The following NTN4 variants were observed in gnomAD, a reference collection of about 807,000 sequenced individuals.
The protein encoded by NTN4 is netrin-4.
In NTN4, 32 loss-of-function variants were observed where a neutral mutation model predicts 73.6. The ratio of observed to expected loss-of-function variants is 0.44; its 90% confidence interval spans 0.33 to 0.58. The LOEUF is 0.58. Ranked by LOEUF, NTN4 falls within the 20% of genes least tolerant of loss-of-function variation. The probability of loss-of-function intolerance (pLI) is 0.04; values close to 1 mark genes in which losing one functional copy is unlikely to be tolerated. For missense variants in NTN4, 654 were observed against 798.3 expected (o/e 0.82, Z 2.18); for synonymous variants, 258 against 287.5 (o/e 0.90, Z 1.04).
At chr12:95,667,180 C>T (rs997044082) in intron 8 of NTN4, among the ~76,000 whole-genome samples, 16 of 149,708 alleles carry the variant, frequency 1.1e-4, no homozygotes, top group African/African-American at 3.2e-4. Context: ...CACTAGGGAA[C>T]GTAGGGAAGT....
intron 5 of NTN4, among the ~76,000 whole-genome samples, chr12:95,689,605 TA>T (rs1230051472): frequency 1.3e-5 from 2 of 152,216 alleles, no homozygotes; most frequent in Non-Finnish European, 2.9e-5. Flanking sequence ...TCTTCCTTGT[TA>T]AAGACAGAAC....
chr12:95,790,259 G>A lies in NTN4; in HGVS notation c.51C>T (p.Ala17=), dbSNP rs1438242960. The A allele has an allele frequency of 2.0e-6, 3 of 1,535,050 alleles. No homozygotes were observed. The highest frequency in any genetic ancestry group is 2.6e-6 in the Non-Finnish European group (3 of 1,140,796). Residue 17 remains alanine, a synonymous_variant, in exon 1 of 10, where the codon GCC becomes GCT. Coordinates refer to ENST00000343702, the MANE Select transcript of NTN4 (RefSeq NM_021229.4). This position sits in a 1 kb window ranked among gnomAD's most constrained non-coding sequence, Gnocchi z 6.5. The part of the protein sequence containing the change: ...LLLLWGCTVV[A]AGLSGVAGVS... ...CCCCGCCGCGTCACCACCCACCTGCGGCCACCACCGTGCAGCCCCAGAGCA... is the reference window on the plus strand; with the variant it reads ...CCCCGCCGCGTCACCACCCACCTGCAGCCACCACCGTGCAGCCCCAGAGCA...
At chr12:95,686,786 G>A (rs2078364420) in intron 5 of NTN4, among the ~76,000 whole-genome samples, 1 of 151,722 alleles carries the variant, frequency 6.6e-6, no homozygotes, top group Non-Finnish European at 1.5e-5. Flanking sequence ...AAAAAGAAAA[G>A]GAGGGCAAGG....
At chr12:95,777,704 C>T (rs529587102) in intron 2 of NTN4, among the ~76,000 whole-genome samples, 1 of 152,232 alleles carries the variant, frequency 6.6e-6, no homozygotes. Flanking sequence ...TAGACTCCCA[C>T]ACAATAATAA....
In NTN4 at chr12:95,682,057, C is replaced by CTTTT. The variant is rs557973212; in HGVS notation, c.1510+646_1510+649dup. ...TTCCAAACCTAATATATTCAGTAGG[C>CTTTT]TTTTTTTTTTTTTTTTTTTTTTTGA... On this transcript the variant is annotated intron_variant, in intron 7 of 9. Coordinates refer to ENST00000343702, the MANE Select transcript of NTN4 (RefSeq NM_021229.4). 8.1e-3 allele frequency among the ~76,000 whole-genome samples: 522 copies of CTTTT among 64,502 alleles called. 158 individuals are homozygous for CTTTT. Among genetic ancestry groups the CTTTT allele is most frequent in the African/African-American group, 0.032 (470 of 14,608 alleles). 42.3% of individuals were successfully genotyped at this position (64,502 alleles called of 152,430 possible).
chr12:95,790,857 C>G (rs2079204792), upstream of NTN4: 1 of 150,570 alleles, frequency 6.6e-6, no homozygotes, highest in African/African-American at 2.4e-5. This position sits in a 1 kb window ranked among gnomAD's most constrained non-coding sequence, Gnocchi z 6.5. Context: ...CCCTTCCTCC[C>G]GCCCGCCCCC....
At chr12:95,760,366 C>T (rs950437071) in intron 2 of NTN4, among the ~76,000 whole-genome samples, 1 of 152,220 alleles carries the variant, frequency 6.6e-6, no homozygotes, top group Non-Finnish European at 1.5e-5. Context: ...TTACCTCACA[C>T]ATATGCAGCT....
chr12:95,663,976 A>T (rs534310812), intron 9 of NTN4, among the ~76,000 whole-genome samples: 1 of 152,172 alleles, frequency 6.6e-6, no homozygotes, highest in African/African-American at 2.4e-5. Context: ...TAGAACTTAC[A>T]TGAATTATTT....
chr12:95,758,632 A>G (rs2078963489), intron 2 of NTN4, among the ~76,000 whole-genome samples: 1 of 152,042 alleles, frequency 6.6e-6, no homozygotes, highest in Non-Finnish European at 1.5e-5. Context: ...TGGCACGATC[A>G]CGGCTCACTG....
At chr12:95,741,179 C>T (rs1487795976) in intron 2 of NTN4, among the ~76,000 whole-genome samples, 1 of 151,542 alleles carries the variant, frequency 6.6e-6, no homozygotes, top group East Asian at 1.9e-4. Context: ...CGCCCTTATC[C>T]TCCGGGAATG....
At chr12:95,764,788 AGT>A (rs1170717456) in intron 2 of NTN4, among the ~76,000 whole-genome samples, 2 of 152,028 alleles carry the variant, frequency 1.3e-5, no homozygotes, top group Non-Finnish European at 2.9e-5. Context: ...TTGGAAAATG[AGT>A]GTGTGTGAAA....
chr12:95,768,799 A>G (rs1212887943), intron 2 of NTN4, among the ~76,000 whole-genome samples: 1 of 152,206 alleles, frequency 6.6e-6, no homozygotes, highest in East Asian at 1.9e-4. Context: ...GCTCTAAGAT[A>G]GTAGCTACAG....
chr12:95,718,643 C>A (rs1230038324), intron 3 of NTN4, among the ~76,000 whole-genome samples: 1 of 152,060 alleles, frequency 6.6e-6, no homozygotes, highest in Non-Finnish European at 1.5e-5. Context: ...CTGGAATCAT[C>A]TGAAAATCAA....
At position 95,787,308 on chromosome 12, in the gene NTN4, A is replaced by G. The variant is rs2079175897; in HGVS notation, c.216T>C (p.Cys72=). Residue 72 remains cysteine, a synonymous_variant, in exon 2 of 10, where the codon TGT becomes TGC. Transcript: ENST00000343702. ...TGCACTTGTCACATTTGGGCTGCCG[A>G]CAAGTCAGATCCGTGTTCTCACTGT... ...CFYSENTDLT[C]RQPKCDKCNA... is the part of the protein sequence containing the mutation. 1 of 1,614,222 alleles carries G rather than the reference A, an allele frequency of 6.2e-7. No homozygotes were observed. Among genetic ancestry groups the G allele is most frequent in the Non-Finnish European group, 8.5e-7 (1 of 1,180,036 alleles).
chr12:95,684,957 C>A (rs2078350128), intron 5 of NTN4, among the ~76,000 whole-genome samples: 1 of 152,094 alleles, frequency 6.6e-6, no homozygotes, highest in African/African-American at 2.4e-5. Flanking sequence ...GTAGCCTCAA[C>A]TTCCTGGGCT....
At chr12:95,775,020 C>A (rs957629659) in intron 2 of NTN4, among the ~76,000 whole-genome samples, 1 of 152,244 alleles carries the variant, frequency 6.6e-6, no homozygotes, top group Non-Finnish European at 1.5e-5. Flanking sequence ...GTCACTTCAA[C>A]TATCTTTAGG....
upstream of NTN4, among the ~76,000 whole-genome samples, chr12:95,790,952 G>A (rs1281335750): frequency 1.2e-5 from 1 of 84,902 alleles, no homozygotes; most frequent in African/African-American, 4.6e-5. This position sits in a 1 kb window ranked among gnomAD's most constrained non-coding sequence, Gnocchi z 6.5. Flanking sequence ...CCCGCGCCCC[G>A]ACCGACGCCC....
intron 5 of NTN4, among the ~76,000 whole-genome samples, chr12:95,698,246 TA>T (rs2078456652): frequency 6.6e-6 from 1 of 152,156 alleles, no homozygotes; most frequent in Non-Finnish European, 1.5e-5. Flanking sequence ...ATATAGCACA[TA>T]AAGCTATAAC....
At chr12:95,790,930 G>GGGGT (rs1555222873), upstream of NTN4, among the ~76,000 whole-genome samples, 3 of 145,398 alleles carry the variant, frequency 2.1e-5, no homozygotes, top group East Asian at 8.0e-4. The surrounding 1 kb of genome is among the most constrained non-coding windows in gnomAD (Gnocchi z 6.5). Context: ...CTGCCGCCCG[G>GGGGT]GGGGGGGGTC....
Sources: allele counts gnomAD v4.1 joint callset (sites outside exome capture counted in the v4.1 genomes callset), GRCh38; gene constraint gnomAD v4.1.1; non-coding constraint Gnocchi (gnomAD v3.1); transcripts MANE v1.5; gene names NCBI Gene and HGNC (gene_info 2026-07-23, HGNC 2026-07-21).